MGAT5: variants seen among roughly 807,000 people sequenced by gnomAD.
MGAT5 encodes the protein alpha-1,6-mannosylglycoprotein 6-beta-N-acetylglucosaminyltransferase A.
Under a neutral mutation model 94.3 loss-of-function variants are expected in MGAT5, and 30 were observed. The ratio of observed to expected loss-of-function variants is 0.32; its 90% confidence interval spans 0.24 to 0.43. MGAT5 has a LOEUF of 0.43. MGAT5 is among the 20% of genes least tolerant of loss of function. The probability of loss-of-function intolerance (pLI) is 1.00; values close to 1 mark genes in which losing one functional copy is unlikely to be tolerated. For synonymous variants in MGAT5, 310 were observed against 322.9 expected, an observed-to-expected ratio of 0.96 and a Z score of 0.43; for missense variants, 691 against 905.5, an observed-to-expected ratio of 0.76 and a Z score of 3.04.
At chr2:134,387,300 TGA>T (rs1558847257) in intron 10 of MGAT5, among the ~76,000 whole-genome samples, 6 of 39,690 alleles carry the variant, frequency 1.5e-4, no homozygotes, top group Non-Finnish European at 2.9e-4. Context: ...AAGTTATGTA[TGA>T]TATATATATA....
At chr2:134,346,712 A>G (rs1688942437) in intron 8 of MGAT5, among the ~76,000 whole-genome samples, 1 of 152,170 alleles carries the variant, frequency 6.6e-6, no homozygotes. Context: ...ATTTTGTCCA[A>G]TTTACGTAGG....
chr2:134,120,947 C>A (rs1685548104), intron 1 of MGAT5, among the ~76,000 whole-genome samples: 1 of 152,006 alleles, frequency 6.6e-6, no homozygotes, highest in Admixed American at 6.5e-5. Context: ...AGCCCTGCTG[C>A]CGGGTCTGGG....
chr2:134,123,789 G>A (rs1685721190), intron 1 of MGAT5, among the ~76,000 whole-genome samples: 1 of 152,104 alleles, frequency 6.6e-6, no homozygotes, highest in Admixed American at 6.5e-5. Flanking sequence ...ATTTTATACG[G>A]GGGGATTGCT....
rs116360668 is a variant in MGAT5 at position 134,305,055 on chromosome 2, T to C, written c.407-12474T>C. 5.3e-3 allele frequency among the ~76,000 whole-genome samples: 810 copies of C among 151,926 alleles called. 9 individuals carry two copies. Among genetic ancestry groups the C allele is most frequent in the African/African-American group, 0.019 (768 of 41,468 alleles). ...CCCAAGAATTTGTTGTGCTTGTGGG[T>C]GTTTGAAATATTCTGGCTTTCAGCT... On this transcript the variant is annotated intron_variant, in intron 2 of 15. Coordinates refer to ENST00000281923, the MANE Select transcript of MGAT5 (RefSeq NM_002410.5).
At chr2:134,229,703 T>C (rs982372562) in intron 1 of MGAT5, among the ~76,000 whole-genome samples, 1 of 152,190 alleles carries the variant, frequency 6.6e-6, no homozygotes, top group Non-Finnish European at 1.5e-5. Flanking sequence ...AGTATCACTA[T>C]TATGTATCGA....
chr2:134,311,576 C>A (rs1444120591), intron 2 of MGAT5, among the ~76,000 whole-genome samples: 1 of 152,162 alleles, frequency 6.6e-6, no homozygotes, highest in Non-Finnish European at 1.5e-5. Context: ...TCCACTTCCT[C>A]ACTTTATCAT....
At chr2:134,333,501 G>A (rs1025519472) in intron 4 of MGAT5, among the ~76,000 whole-genome samples, 2 of 151,024 alleles carry the variant, frequency 1.3e-5, no homozygotes, top group Admixed American at 6.6e-5. Flanking sequence ...GAGTTAATGG[G>A]TGCAGCACAC....
intron 10 of MGAT5, among the ~76,000 whole-genome samples, chr2:134,381,367 A>ATAGATAGATAGATAGAT (rs1553457671): frequency 3.4e-4 from 37 of 110,082 alleles, no homozygotes; most frequent in Admixed American, 1.1e-3. Context: ...AGATAGATAG[A>ATAGATAGATAGATAGAT]TAAGATAAGA....
intron 4 of MGAT5, among the ~76,000 whole-genome samples, chr2:134,330,584 T>TGTGTGTGTGTGTGTGTGTGTG (rs1553447778): frequency 7.3e-5 from 11 of 151,572 alleles, no homozygotes; most frequent in South Asian, 4.2e-4. Flanking sequence ...TGTGTGTGTG[T>TGTGTGTGTGTGTGTGTGTGTG]TACGAAGCCC....
intron 10 of MGAT5, 59 bp downstream of exon 10, chr2:134,362,467 T>G: frequency 3.2e-6 from 5 of 1,583,582 alleles, no homozygotes; most frequent in Non-Finnish European, 4.3e-6. Flanking sequence ...TAATTTAATT[T>G]AACTTTGATC....
At chr2:134,182,589 G>A (rs543115804) in intron 1 of MGAT5, among the ~76,000 whole-genome samples, 2 of 152,076 alleles carry the variant, frequency 1.3e-5, no homozygotes, top group Admixed American at 1.3e-4. Flanking sequence ...ACCTGTGTTA[G>A]GAGTACCTAG....
chr2:134,188,800 C>T (rs890359104), intron 1 of MGAT5, among the ~76,000 whole-genome samples: 2 of 152,172 alleles, frequency 1.3e-5, no homozygotes, highest in African/African-American at 4.8e-5. Context: ...CAGATGCCCA[C>T]TGTAAGTGGG....
intron 10 of MGAT5, among the ~76,000 whole-genome samples, chr2:134,387,753 G>T (rs780526384): frequency 4.6e-5 from 7 of 151,940 alleles, no homozygotes; most frequent in Non-Finnish European, 8.8e-5. Flanking sequence ...TGGTGAAGGG[G>T]AACAAAAAAA....
At position 134,362,328 on chromosome 2, in the gene MGAT5, T is replaced by C; in HGVS notation, c.1300T>C (p.Ser434Pro). The C allele has an allele frequency of 6.2e-7, 1 of 1,614,078 alleles. No homozygotes were observed. The highest frequency in any genetic ancestry group is 8.5e-7 in the Non-Finnish European group (1 of 1,179,918). ...GTTTGTGGTTGAGCAGCACCTGAAC[T>C]CCAGTGATATCCACCACATTAATGA... ...LGFVVEQHLN[S>P]SDIHHINEIK... Residue 434 changes from serine (S) to proline (P), a missense_variant, in exon 10 of 16, where the codon TCC (serine) becomes CCC (proline). Physicochemically the swap from Ser to Pro is moderately conservative, Grantham distance 74. Around this residue, in one of 4 missense-constraint regions of MGAT5, gnomAD observed 121 missense variants for 206.1 expected, o/e 0.59. Transcript: ENST00000281923.
chr2:134,411,323 C>T (rs899057823), intron 11 of MGAT5, among the ~76,000 whole-genome samples: 11 of 152,242 alleles, frequency 7.2e-5, no homozygotes, highest in African/African-American at 2.4e-4. Flanking sequence ...CACCCCCACC[C>T]GTGATCTCTG....
intron 1 of MGAT5, among the ~76,000 whole-genome samples, chr2:134,121,063 T>C (rs983500720): frequency 1.3e-5 from 2 of 152,140 alleles, no homozygotes; most frequent in East Asian, 1.9e-4. Flanking sequence ...CCCGGCCCAC[T>C]CCCGGCCCTC....
At chr2:134,332,038 A>G (rs1688005541) in intron 4 of MGAT5, among the ~76,000 whole-genome samples, 1 of 152,050 alleles carries the variant, frequency 6.6e-6, no homozygotes, top group South Asian at 2.1e-4. Flanking sequence ...ATTCAATGCC[A>G]TCCCCATCAA....
At chr2:134,237,148 T>C (rs72846761) in intron 1 of MGAT5, among the ~76,000 whole-genome samples, 29 of 140,742 alleles carry the variant, frequency 2.1e-4, no homozygotes, top group South Asian at 5.1e-4. Flanking sequence ...TGTGTGTGTG[T>C]GCGCGTGTGT....
At chr2:134,282,989 C>T (rs1478116384) in intron 2 of MGAT5, among the ~76,000 whole-genome samples, 1 of 134,672 alleles carries the variant, frequency 7.4e-6, no homozygotes, top group Non-Finnish European at 1.6e-5. Context: ...AAAACCAAAA[C>T]CGAAAAAAAA....
Sources: gnomAD v4.1 joint callset for allele counts (sites outside exome capture counted in the v4.1 genomes callset) on GRCh38, gnomAD v4.1.1 for gene constraint, gnomAD v4.1.1 regional missense constraint, MANE v1.5 for transcripts, NCBI Gene and HGNC (gene_info 2026-07-23, HGNC 2026-07-21) for gene names.